Variants in HECW2 observed in about 807,000 individuals in gnomAD.
HECW2 encodes the protein HECT, C2 and WW domain containing E3 ubiquitin protein ligase 2.
Under a neutral mutation model 175.2 loss-of-function variants are expected in HECW2, and 61 were observed. The ratio of observed to expected loss-of-function variants is 0.35; its 90% CI spans 0.28 to 0.43. The LOEUF is 0.43. Ranked by LOEUF, HECW2 falls within the 20% of genes least tolerant of loss-of-function variation. The pLI, the probability that HECW2 is intolerant of heterozygous loss-of-function variation, is 1.00. For missense variants in HECW2, 1,524 were observed against 2,000.5 expected (o/e 0.76, Z 4.54); for synonymous variants, 671 against 731.0 (o/e 0.92, Z 1.32).
intron 1 of HECW2, among the ~76,000 whole-genome samples, chr2:196,590,299 A>G (rs1370763420): frequency 6.6e-6 from 1 of 152,204 alleles, no homozygotes; most frequent in Admixed American, 6.5e-5. Context: ...TCCTGATACA[A>G]AAGGCATCCT....
chr2:196,243,940 T>C (rs1010315852), intron 19 of HECW2, among the ~76,000 whole-genome samples: 4 of 152,086 alleles, frequency 2.6e-5, no homozygotes, highest in African/African-American at 7.2e-5. Context: ...AAGCAGCAGG[T>C]TGGGATAGAA....
chr2:196,552,475 C>T (rs1041130346), intron 1 of HECW2, among the ~76,000 whole-genome samples: 4 of 152,314 alleles, frequency 2.6e-5, no homozygotes, highest in African/African-American at 9.6e-5. Flanking sequence ...GACCTAGCCT[C>T]CATCTTCAGA....
chr2:196,469,120 CGTGTGT>C (rs33984882), intron 1 of HECW2, among the ~76,000 whole-genome samples: 20,439 of 144,706 alleles, frequency 0.14, 1,461 homozygotes, highest in Middle Eastern at 0.18. Context: ...TGTGTGTGTG[CGTGTGT>C]GTGTGTGTGT....
intron 4 of HECW2, among the ~76,000 whole-genome samples, chr2:196,333,747 G>C (rs1453061129): frequency 3.3e-5 from 5 of 152,164 alleles, no homozygotes; most frequent in Non-Finnish European, 7.3e-5. Context: ...TCACAAAATT[G>C]CCATGTTGGA....
chr2:196,330,980 C>G (rs1396767066), intron 4 of HECW2, among the ~76,000 whole-genome samples: 1 of 152,106 alleles, frequency 6.6e-6, no homozygotes, highest in Non-Finnish European at 1.5e-5. Context: ...ATTCCCCACA[C>G]TCTTATAAAA....
chr2:196,391,739 A>C (rs571374208), intron 2 of HECW2, among the ~76,000 whole-genome samples: 5 of 152,312 alleles, frequency 3.3e-5, no homozygotes, highest in Admixed American at 6.5e-5. Flanking sequence ...ACAGAAAGTT[A>C]CTCTCTCATA....
At position 196,318,786 on chromosome 2, in the gene HECW2, A is replaced by C; in HGVS notation, c.2104T>G (p.Cys702Gly). 1 of 1,528,826 alleles carries C rather than the reference A, an allele frequency of 6.5e-7. No homozygotes were observed. Among genetic ancestry groups the C allele is most frequent in the Non-Finnish European group, 8.8e-7 (1 of 1,137,036 alleles). The allele number at this position is 1,528,826 out of a possible 1,614,324, so 94.7% of individuals were successfully genotyped here. ...GPAEGSQESV[C>G]TAGSLPVVQV... ...ACCACAGGTAAAGAACCAGCAGTGC[A>C]CACGGATTCCTGCGACCCTTCGGCA... is the stretch of plus-strand genomic sequence containing the variant. Residue 702 changes from cysteine (C) to glycine (G), a missense_variant, in exon 9 of 29, where the codon TGC becomes GGC. This residue lies in a region of HECW2 where 604 missense variants were observed against 588.3 expected (regional missense o/e 1.03). Coordinates refer to ENST00000644978, the MANE Select transcript of HECW2 (RefSeq NM_001348768.2).
chr2:196,225,701 G>A, intron 23 of HECW2, 71 bp downstream of exon 23: 2 of 933,850 alleles, frequency 2.1e-6, no homozygotes, highest in South Asian at 1.3e-5. Context: ...GACTTTGACA[G>A]AAGAATTTTT....
intron 2 of HECW2, among the ~76,000 whole-genome samples, chr2:196,402,231 GA>G (rs1321863235): frequency 1.3e-5 from 2 of 148,376 alleles, no homozygotes; most frequent in Non-Finnish European, 3.0e-5. Flanking sequence ...AAAAAAGAGG[GA>G]AACTTGCCAT....
At chr2:196,364,634 G>A (rs2105890724) in intron 2 of HECW2, among the ~76,000 whole-genome samples, 1 of 152,304 alleles carries the variant, frequency 6.6e-6, no homozygotes, top group South Asian at 2.1e-4. Context: ...ACACTCTTAT[G>A]TTTTTACTTA....
At position 196,218,611 on chromosome 2, in the gene HECW2, G is replaced by A. The variant is rs138182847; in HGVS notation, c.4408+1428C>T. On this transcript the variant is annotated intron_variant, in intron 26 of 28. Coordinates refer to ENST00000644978, the MANE Select transcript of HECW2 (RefSeq NM_001348768.2). ...GGAGATCGCTTGAGGCCAGGAATTCGAGACCAGACTGGCCAACATGGTGAA... is the reference window on the plus strand; with the variant it reads ...GGAGATCGCTTGAGGCCAGGAATTCAAGACCAGACTGGCCAACATGGTGAA... Among the ~76,000 whole-genome samples, 628 of 152,042 alleles carry A rather than the reference G, an allele frequency of 4.1e-3. 6 individuals carry two copies. Among genetic ancestry groups the A allele is most frequent in the African/African-American group, 0.014 (597 of 41,476 alleles).
chr2:196,241,783 T>C (rs189189057), intron 20 of HECW2, among the ~76,000 whole-genome samples: 19 of 152,332 alleles, frequency 1.2e-4, no homozygotes, highest in South Asian at 4.1e-4. Context: ...CTAATGAATA[T>C]ACTATGCACC....
At chr2:196,216,563 C>A (rs147431991) in intron 27 of HECW2, among the ~76,000 whole-genome samples, 2 of 151,794 alleles carry the variant, frequency 1.3e-5, no homozygotes, top group East Asian at 3.9e-4. Flanking sequence ...AGTTTTCCCA[C>A]TGTTCTTGAA....
At chr2:196,552,302 A>T (rs1428815326) in intron 1 of HECW2, among the ~76,000 whole-genome samples, 2 of 152,188 alleles carry the variant, frequency 1.3e-5, no homozygotes, top group African/African-American at 4.8e-5. Flanking sequence ...GAAAACGTTT[A>T]TATTCTCCCA....
Position 196,433,220 on chromosome 2 carries a change from G to A in HECW2, c.204C>T (p.Tyr68=). 6.2e-7 allele frequency: 1 copy of A among 1,614,180 alleles called. No individual in the cohort carries two copies. The highest frequency in any genetic ancestry group is 8.5e-7 in the Non-Finnish European group (1 of 1,180,010). ...TGAGGTTCTGGGCTTGCCCCAGCGT[G>A]TACTCGTACATGCTGGCAGTTAAGC... The part of the protein sequence containing the change: ...RSSLTASMYE[Y]TLGQAQNLII... The change falls in exon 2 of 29, where the codon TAC becomes TAT. Residue 68 remains tyrosine, a synonymous_variant. Coordinates refer to ENST00000644978, the MANE Select transcript of HECW2 (RefSeq NM_001348768.2).
intron 22 of HECW2, among the ~76,000 whole-genome samples, chr2:196,226,946 G>A (rs1687872183): frequency 6.6e-6 from 1 of 152,176 alleles, no homozygotes; most frequent in Non-Finnish European, 1.5e-5. Flanking sequence ...TGCCTGAGAT[G>A]TAAACTTACT....
At chr2:196,358,488 T>C (rs1030686546) in intron 2 of HECW2, among the ~76,000 whole-genome samples, 1 of 139,866 alleles carries the variant, frequency 7.1e-6, no homozygotes, top group Non-Finnish European at 1.5e-5. Flanking sequence ...GGCAGGAGAA[T>C]TGCTTGAATC....
rs370821227 is a variant in HECW2 at position 196,472,715 on chromosome 2, G to A, written c.-35-39257C>T. Among the ~76,000 whole-genome samples, 92 of 151,632 alleles carry A rather than the reference G, an allele frequency of 6.1e-4. No individual in the cohort carries two copies. The East Asian group carries it at 9.2e-3, about 15-fold the overall frequency. On this transcript the variant is annotated intron_variant, in intron 1 of 28. Coordinates refer to ENST00000644978, the MANE Select transcript of HECW2 (RefSeq NM_001348768.2). ...CAGCTCACTGCAACTTCCACCTCCCGGGCTCAATCGATTCTCCTGCCTCAC... is the reference window on the plus strand; with the variant it reads ...CAGCTCACTGCAACTTCCACCTCCCAGGCTCAATCGATTCTCCTGCCTCAC...
intron 1 of HECW2, among the ~76,000 whole-genome samples, chr2:196,568,625 C>T (rs1690265569): frequency 6.6e-6 from 1 of 152,150 alleles, no homozygotes; most frequent in African/African-American, 2.4e-5. Flanking sequence ...TGAAACCGTA[C>T]TTTAGATTCT....
Sources: allele counts gnomAD v4.1 joint callset (sites outside exome capture counted in the v4.1 genomes callset), GRCh38; gene constraint gnomAD v4.1.1; regional missense constraint gnomAD v4.1.1; transcripts MANE v1.5; gene names NCBI Gene and HGNC (gene_info 2026-07-23, HGNC 2026-07-21).